Variants in EEFSEC observed in about 807,000 individuals in gnomAD.
EEFSEC encodes eukaryotic elongation factor, selenocysteine-tRNA specific.
EEFSEC carries 43 observed loss-of-function variants against 42.1 expected under a neutral mutation model. The ratio of observed to expected loss-of-function variants is 1.02; its 90% CI spans 0.80 to 1.32. The LOEUF is 1.32. EEFSEC is among the 40% of genes most tolerant of loss of function. EEFSEC has a pLI of 0.00. For missense variants in EEFSEC, 745 were observed against 803.6 expected (o/e 0.93, Z 0.88); for synonymous variants, 354 against 339.1 (o/e 1.04, Z -0.48).
intron 1 of EEFSEC, among the ~76,000 whole-genome samples, chr3:128,193,225 G>T (rs540334755): frequency 2.0e-5 from 3 of 152,324 alleles, no homozygotes; most frequent in African/African-American, 7.2e-5. Flanking sequence ...ATCAGGGGAT[G>T]CTCTAAACCA....
At chr3:128,212,009 G>A (rs1274680605) in intron 1 of EEFSEC, among the ~76,000 whole-genome samples, 3 of 151,346 alleles carry the variant, frequency 2.0e-5, no homozygotes, top group Admixed American at 6.6e-5. Flanking sequence ...ACAGGTGCCC[G>A]CCACCAAGCC....
intron 2 of EEFSEC, among the ~76,000 whole-genome samples, chr3:128,257,841 C>T (rs371734676): frequency 3.9e-5 from 6 of 152,296 alleles, no homozygotes; most frequent in South Asian, 4.1e-4. Flanking sequence ...GCTGTCCCCC[C>T]CCAGCATGGA....
chr3:128,286,063 G>T lies in EEFSEC; in HGVS notation c.786+21282G>T, dbSNP rs747626275. On this transcript the variant is annotated intron_variant, in intron 4 of 6. Coordinates refer to ENST00000254730, the MANE Select transcript of EEFSEC (RefSeq NM_021937.5). ...CTCTGTCTTGTAGATAAATGGTGACGCTCTGTGTGTACCCTATGCCAAGCT... is the reference window on the plus strand; with the variant it reads ...CTCTGTCTTGTAGATAAATGGTGACTCTCTGTGTGTACCCTATGCCAAGCT... Among the ~76,000 whole-genome samples the T allele has an allele frequency of 3.5e-4, 54 of 152,220 alleles. 1 individual carries two copies. Among genetic ancestry groups the T allele is most frequent in the Admixed American group, 3.3e-4 (5 of 15,286 alleles).
At chr3:128,396,070 T>C (rs1576701231) in intron 6 of EEFSEC, among the ~76,000 whole-genome samples, 1 of 152,180 alleles carries the variant, frequency 6.6e-6, no homozygotes, top group Non-Finnish European at 1.5e-5. Context: ...TGAGATGGCC[T>C]GGACAGCCAC....
intron 4 of EEFSEC, among the ~76,000 whole-genome samples, chr3:128,324,679 G>C (rs912691848): frequency 6.6e-6 from 1 of 152,186 alleles, no homozygotes; most frequent in Non-Finnish European, 1.5e-5. Context: ...TGCTCTGCCC[G>C]CCTGTGGGGC....
At chr3:128,262,339 A>C in intron 3 of EEFSEC, 115 bp downstream of exon 3, 1 of 903,520 alleles carries the variant, frequency 1.1e-6, no homozygotes, top group East Asian at 2.5e-5. Context: ...AAGAGGACTC[A>C]GTTGGTTCCA....
intron 5 of EEFSEC, among the ~76,000 whole-genome samples, chr3:128,355,176 G>T (rs944350755): frequency 3.9e-5 from 6 of 152,302 alleles, no homozygotes; most frequent in African/African-American, 1.4e-4. Flanking sequence ...CACAGGAGGT[G>T]CACAGAACCC....
chr3:128,272,200 A>G (rs1362284786), intron 4 of EEFSEC, among the ~76,000 whole-genome samples: 2 of 152,118 alleles, frequency 1.3e-5, no homozygotes, highest in African/African-American at 4.8e-5. Flanking sequence ...TTCTCCTTCA[A>G]ATCCAAGATG....
intron 1 of EEFSEC, among the ~76,000 whole-genome samples, chr3:128,203,795 T>A (rs2065666293): frequency 6.6e-6 from 1 of 152,236 alleles, no homozygotes; most frequent in African/African-American, 2.4e-5. Flanking sequence ...ATCTTATTGA[T>A]TTAATAATTG....
At chr3:128,378,118 G>A (rs2067730680) in intron 6 of EEFSEC, among the ~76,000 whole-genome samples, 1 of 152,170 alleles carries the variant, frequency 6.6e-6, no homozygotes, top group Non-Finnish European at 1.5e-5. Flanking sequence ...AGTACCTCTT[G>A]GATTCTGACC....
intron 2 of EEFSEC, among the ~76,000 whole-genome samples, chr3:128,253,616 C>T (rs2066211550): frequency 1.3e-5 from 2 of 152,194 alleles, no homozygotes; most frequent in Non-Finnish European, 2.9e-5. Context: ...CTCTCTTCCT[C>T]AGTGTTATTT....
rs770720610 is a variant in EEFSEC at position 128,341,554 on chromosome 3, T to C, written c.1108T>C (p.Ser370Pro). Residue 370 changes from serine (S) to proline (P), a missense_variant, in exon 5 of 7, where the codon TCT (serine) becomes CCT (proline). Physicochemically the swap from Ser to Pro is moderately conservative, Grantham distance 74 (BLOSUM62 -1). Coordinates refer to ENST00000254730, the MANE Select transcript of EEFSEC (RefSeq NM_021937.5). ...QEPILDSFNF[S>P]QEYLFQEQYL... ...GCCTATACTGGACTCTTTCAACTTC[T>C]CTCAAGAATACCTTTTCCAGGAGCA... 1 of 1,614,080 alleles carries C rather than the reference T, an allele frequency of 6.2e-7. No individual in the cohort carries two copies. Among genetic ancestry groups the C allele is most frequent in the Non-Finnish European group, 8.5e-7 (1 of 1,180,034 alleles).
At chr3:128,369,449 C>T (rs77546052) in intron 6 of EEFSEC, among the ~76,000 whole-genome samples, 2,824 of 152,340 alleles carry the variant, frequency 0.019, 94 homozygotes, top group African/African-American at 0.063. Flanking sequence ...CCCCAATAAC[C>T]TGTCCTTGGG....
chr3:128,207,369 C>G (rs370654857), intron 1 of EEFSEC, among the ~76,000 whole-genome samples: 7 of 151,774 alleles, frequency 4.6e-5, no homozygotes, highest in Admixed American at 3.3e-4. Flanking sequence ...TTGTGGCTCC[C>G]CTAGGAGGTT....
intron 1 of EEFSEC, among the ~76,000 whole-genome samples, chr3:128,186,920 C>T (rs2065471973): frequency 6.6e-6 from 1 of 152,196 alleles, no homozygotes; most frequent in African/African-American, 2.4e-5. Flanking sequence ...TATCCCTGTG[C>T]TTACCTTCCC....
chr3:128,342,366 C>G (rs1012963907), intron 5 of EEFSEC, among the ~76,000 whole-genome samples: 2 of 152,252 alleles, frequency 1.3e-5, no homozygotes, highest in African/African-American at 4.8e-5. Flanking sequence ...GAAACACTGC[C>G]CATCAGTGGT....
At chr3:128,244,035 A>G (rs1207001852) in intron 1 of EEFSEC, among the ~76,000 whole-genome samples, 3 of 152,218 alleles carry the variant, frequency 2.0e-5, no homozygotes, top group Non-Finnish European at 4.4e-5. Context: ...TAAGGAACGC[A>G]TGAGGTTGAG....
intron 1 of EEFSEC, among the ~76,000 whole-genome samples, chr3:128,191,250 G>A (rs1228288165): frequency 6.6e-6 from 1 of 151,994 alleles, no homozygotes; most frequent in East Asian, 1.9e-4. Context: ...TCCTTTTTTG[G>A]GGGGCTATTT....
At chr3:128,262,707 T>C (rs572851723) in intron 3 of EEFSEC, among the ~76,000 whole-genome samples, 2 of 152,198 alleles carry the variant, frequency 1.3e-5, no homozygotes, top group Non-Finnish European at 2.9e-5. Flanking sequence ...CCACCAAAGA[T>C]GGGAGGCTTA....
Sources: gnomAD v4.1 joint callset for allele counts (sites outside exome capture counted in the v4.1 genomes callset) on GRCh38, gnomAD v4.1.1 for gene constraint, MANE v1.5 for transcripts, NCBI Gene and HGNC (gene_info 2026-07-23, HGNC 2026-07-21) for gene names.